APBA1: variants seen among roughly 807,000 people sequenced by gnomAD.
APBA1 encodes amyloid beta precursor protein binding family A member 1.
APBA1 carries 55 observed loss-of-function variants against 86.6 expected under a neutral mutation model. That is an observed-to-expected ratio of 0.64 (90% CI 0.51 to 0.80). APBA1 has a LOEUF of 0.80. Ranked by LOEUF, APBA1 falls within the 30% of genes least tolerant of loss-of-function variation. The probability of loss-of-function intolerance (pLI) is 0.00; values close to 1 mark genes in which losing one functional copy is unlikely to be tolerated. For synonymous variants in APBA1, 511 were observed against 493.9 expected (o/e 1.03, Z -0.46); for missense variants, 1,090 against 1,183.0 (o/e 0.92, Z 1.15).
intron 2 of APBA1, among the ~76,000 whole-genome samples, chr9:69,506,125 A>G (rs1835958972): frequency 6.6e-6 from 1 of 151,496 alleles, no homozygotes; most frequent in South Asian, 2.1e-4. Context: ...ACAGAAGAAG[A>G]CGGGTGATTT....
intron 1 of APBA1, among the ~76,000 whole-genome samples, chr9:69,626,110 T>G (rs1822922987): frequency 6.6e-6 from 1 of 152,176 alleles, no homozygotes; most frequent in Non-Finnish European, 1.5e-5. Context: ...GTTACTATTT[T>G]TCTAGAATCA....
intron 1 of APBA1, among the ~76,000 whole-genome samples, chr9:69,573,772 G>A (rs940037259): frequency 4.6e-5 from 7 of 152,206 alleles, no homozygotes; most frequent in Non-Finnish European, 1.0e-4. Context: ...TCTTGGAGGG[G>A]CCTCTGCTGG....
intron 2 of APBA1, 66 bp from the exon 3 acceptor site, chr9:69,476,209 A>C (rs1835443963): frequency 8.2e-7 from 1 of 1,214,084 alleles, no homozygotes; most frequent in East Asian, 2.3e-5. Flanking sequence ...GGCTGGGGGA[A>C]AGGGGCCGGG....
At chr9:69,626,912 A>C (rs1822945816) in intron 1 of APBA1, among the ~76,000 whole-genome samples, 2 of 152,022 alleles carry the variant, frequency 1.3e-5, no homozygotes, top group South Asian at 4.1e-4. Context: ...GAAAAAAAAA[A>C]AAAACTTGGA....
At chr9:69,626,904 A>T (rs1210814617) in intron 1 of APBA1, among the ~76,000 whole-genome samples, 1 of 146,402 alleles carries the variant, frequency 6.8e-6, no homozygotes, top group African/African-American at 2.7e-5. Context: ...CACCTACAGA[A>T]AAAAAAAAAA....
At chr9:69,594,106 T>A (rs950109617) in intron 1 of APBA1, among the ~76,000 whole-genome samples, 1 of 152,194 alleles carries the variant, frequency 6.6e-6, no homozygotes, top group Non-Finnish European at 1.5e-5. Context: ...GGCCACAGGC[T>A]CTGGGTCTTC....
At chr9:69,448,776 C>T (rs1395157771) in intron 10 of APBA1, among the ~76,000 whole-genome samples, 1 of 152,192 alleles carries the variant, frequency 6.6e-6, no homozygotes, top group Non-Finnish European at 1.5e-5. Flanking sequence ...CTCAGTCTAG[C>T]TACAGTACCG....
At position 69,432,075 on chromosome 9, in the gene APBA1, A is replaced by G. The variant is rs546774994; in HGVS notation, c.2442+461T>C. On this transcript the variant is annotated intron_variant, in intron 12 of 12. Coordinates refer to ENST00000265381, the MANE Select transcript of APBA1 (RefSeq NM_001163.4). Reference sequence around the variant, plus strand: ...CTGATAGGAGTGATGAATGGCAACAATGATGACTGACTGACAGCTGTGATG... The same window carrying G: ...CTGATAGGAGTGATGAATGGCAACAGTGATGACTGACTGACAGCTGTGATG... Among the ~76,000 whole-genome samples, 32 of 152,324 alleles carry G rather than the reference A, an allele frequency of 2.1e-4. 1 individual carries two copies. The South Asian group carries it at 6.2e-3, about 30-fold the overall frequency.
chr9:69,504,697 C>A (rs1372939329), intron 2 of APBA1, among the ~76,000 whole-genome samples: 1 of 152,020 alleles, frequency 6.6e-6, no homozygotes, highest in Non-Finnish European at 1.5e-5. Context: ...CTAAGCCTGA[C>A]AACTAAGAGT....
At chr9:69,496,014 G>A (rs531321232) in intron 2 of APBA1, among the ~76,000 whole-genome samples, 13 of 152,200 alleles carry the variant, frequency 8.5e-5, no homozygotes, top group Middle Eastern at 3.4e-3. Flanking sequence ...GGGCCAATAC[G>A]GTTTGAACCA....
chr9:69,536,900 CA>C (rs201270453), intron 1 of APBA1, among the ~76,000 whole-genome samples: 154 of 149,578 alleles, frequency 1.0e-3, no homozygotes, highest in African/African-American at 3.7e-3. Context: ...CACAAAAAAA[CA>C]AAAAAAATTT....
intron 1 of APBA1, among the ~76,000 whole-genome samples, chr9:69,589,859 C>T (rs1266429432): frequency 6.6e-6 from 1 of 152,156 alleles, no homozygotes; most frequent in Non-Finnish European, 1.5e-5. Flanking sequence ...AAAATACTCA[C>T]TGTATATTCT....
rs143726292 is a variant in APBA1, at chr9:69,663,659, C to A, written c.-70+8494G>T. Among the ~76,000 whole-genome samples the A allele has an allele frequency of 3.3e-4, 50 of 152,184 alleles. 1 individual carries two copies. In the East Asian group the frequency reaches 9.3e-3, roughly 28 times the overall value. On this transcript the variant is annotated intron_variant, in intron 1 of 12. Coordinates refer to ENST00000265381, the MANE Select transcript of APBA1 (RefSeq NM_001163.4). ...TATTTGGAATGGTGGCCAATTAATTCCATTAGGAAATAAATCATTGCTGTA... is the reference window on the plus strand; with the variant it reads ...TATTTGGAATGGTGGCCAATTAATTACATTAGGAAATAAATCATTGCTGTA...
rs780563342 is a variant in APBA1, at chr9:69,516,236, C to A, written c.975G>T (p.Ala325=). The change falls in exon 2 of 13, where the codon GCG becomes GCT. Residue 325 remains alanine (A), a synonymous_variant. Coordinates refer to ENST00000265381, the MANE Select transcript of APBA1 (RefSeq NM_001163.4). This position sits in a 1 kb window ranked among gnomAD's most constrained non-coding sequence, Gnocchi z 7.3. ...GLQAPAGQQR[A]VGPAGGGEAG... ...CCTCGCCGCCGCCCGCGGGGCCCAC[C>A]GCCCGCTGCTGCCCCGCCGGCGCCT... 2 of 1,446,182 alleles carry A rather than the reference C, an allele frequency of 1.4e-6. No individual in the cohort carries two copies. Among genetic ancestry groups the A allele is most frequent in the Admixed American group, 2.4e-5 (1 of 41,028 alleles). 89.6% of individuals were successfully genotyped at this position (1,446,182 alleles called of 1,614,324 possible).
intron 1 of APBA1, among the ~76,000 whole-genome samples, chr9:69,658,256 CTTTCTTTCTT>C (rs1823659771): frequency 3.3e-4 from 8 of 24,242 alleles, no homozygotes; most frequent in Admixed American, 3.0e-3. Context: ...TTCTTTCTTT[CTTTCTTTCTT>C]TCTTTCTTTC....
intron 1 of APBA1, among the ~76,000 whole-genome samples, chr9:69,521,634 C>T (rs150047227): frequency 6.6e-6 from 1 of 152,244 alleles, no homozygotes; most frequent in African/African-American, 2.4e-5. Flanking sequence ...TAATACAAAA[C>T]AGAGTAACGC....
intron 1 of APBA1, among the ~76,000 whole-genome samples, chr9:69,601,726 A>G (rs146412703): frequency 1.3e-5 from 2 of 152,348 alleles, no homozygotes; most frequent in East Asian, 3.9e-4. Context: ...ATATTTAAAA[A>G]AATGTTCAAA....
intron 11 of APBA1, among the ~76,000 whole-genome samples, chr9:69,436,488 C>A (rs1291233195): frequency 1.3e-5 from 2 of 151,756 alleles, no homozygotes; most frequent in Non-Finnish European, 2.9e-5. Flanking sequence ...TTGAAGAGGT[C>A]CTTCACATCC....
intron 1 of APBA1, among the ~76,000 whole-genome samples, chr9:69,593,247 T>C (rs1342229643): frequency 1.3e-5 from 2 of 152,240 alleles, no homozygotes; most frequent in South Asian, 2.1e-4. Context: ...TGGAGGCTGA[T>C]ATAAATACAC....
Sources: allele counts gnomAD v4.1 joint callset (sites outside exome capture counted in the v4.1 genomes callset), GRCh38; gene constraint gnomAD v4.1.1; non-coding constraint Gnocchi (gnomAD v3.1); transcripts MANE v1.5; gene names NCBI Gene and HGNC (gene_info 2026-07-23, HGNC 2026-07-21).